FRMD3: variants seen among roughly 807,000 people sequenced by gnomAD.
FRMD3 encodes the protein FERM domain-containing protein 3.
Under a neutral mutation model 70.2 loss-of-function variants are expected in FRMD3, and 33 were observed. The observed-to-expected ratio is 0.47, with a 90% CI of 0.36 to 0.63. FRMD3 has a LOEUF of 0.63. Among genes scored for constraint, FRMD3 ranks in the 20% least tolerant of loss-of-function variants. The probability of loss-of-function intolerance (pLI) is 0.00; values close to 1 mark genes in which losing one functional copy is unlikely to be tolerated. For synonymous variants in FRMD3, 279 were observed against 255.9 expected (o/e 1.09, Z -0.86); for missense variants, 632 against 711.4 (o/e 0.89, Z 1.27).
chr9:83,430,965 T>C (rs1287104899), intron 1 of FRMD3, among the ~76,000 whole-genome samples: 1 of 152,234 alleles, frequency 6.6e-6, no homozygotes, highest in Non-Finnish European at 1.5e-5. Flanking sequence ...CTGTAGGAAT[T>C]TGATGCTTTG....
intron 1 of FRMD3, among the ~76,000 whole-genome samples, chr9:83,390,294 C>T (rs937993801): frequency 3.3e-5 from 5 of 152,192 alleles, no homozygotes; most frequent in Non-Finnish European, 7.3e-5. Flanking sequence ...CACTTTGACC[C>T]CCTGGAGCAA....
At chr9:83,253,978 A>C (rs1181559888) in intron 13 of FRMD3, among the ~76,000 whole-genome samples, 1 of 152,150 alleles carries the variant, frequency 6.6e-6, no homozygotes, top group Non-Finnish European at 1.5e-5. Context: ...ACATGGATGA[A>C]GCCGGAAACC....
chr9:83,492,953 G>A (rs1430997746), intron 1 of FRMD3, among the ~76,000 whole-genome samples: 2 of 152,116 alleles, frequency 1.3e-5, no homozygotes, highest in Non-Finnish European at 2.9e-5. Context: ...AAGTCCAGGG[G>A]CCGAGACATT....
At chr9:83,275,278 T>C (rs771755517) in intron 13 of FRMD3, among the ~76,000 whole-genome samples, 3 of 152,208 alleles carry the variant, frequency 2.0e-5, no homozygotes, top group Non-Finnish European at 4.4e-5. Flanking sequence ...TCTCCACTTC[T>C]CTGCCTTGTC....
At chr9:83,560,180 C>T in the FRMD3 span, among the ~76,000 whole-genome samples, 7 of 152,134 alleles carry the variant, frequency 4.6e-5, no homozygotes, top group East Asian at 7.7e-4. Context: ...CTTGGCAGTG[C>T]GAGTTTGCAG....
At chr9:83,484,861 T>C (rs910716979) in intron 1 of FRMD3, among the ~76,000 whole-genome samples, 6 of 152,154 alleles carry the variant, frequency 3.9e-5, no homozygotes, top group Non-Finnish European at 5.9e-5. Flanking sequence ...GGAAACAATA[T>C]AGAGAAACAC....
chr9:83,507,687 C>CATATAT lies in FRMD3; in HGVS notation c.147+30397_147+30398insATATAT, dbSNP rs60192207. 4.5e-3 allele frequency among the ~76,000 whole-genome samples: 212 copies of CATATAT among 46,908 alleles called. 27 individuals are homozygous for CATATAT. Among genetic ancestry groups the CATATAT allele is most frequent in the Non-Finnish European group, 7.3e-3 (152 of 20,908 alleles). 30.8% of individuals were successfully genotyped at this position (46,908 alleles called of 152,430 possible). On this transcript the variant is annotated intron_variant, in intron 1 of 13. Transcript: ENST00000304195. The stretch of plus-strand genomic sequence containing the variant: ...TCCGTCTCAAACAAAAAAAAATATA[C>CATATAT]ATACATATATATATATATATATATA...
chr9:83,279,104 G>A (rs892501616), intron 13 of FRMD3: 11 of 152,152 alleles, frequency 7.2e-5, no homozygotes, highest in African/African-American at 1.7e-4. Flanking sequence ...CCTATGTTCC[G>A]ATTATCAAGT....
At chr9:83,431,344 C>G (rs976139289) in intron 1 of FRMD3, among the ~76,000 whole-genome samples, 1 of 152,202 alleles carries the variant, frequency 6.6e-6, no homozygotes, top group African/African-American at 2.4e-5. Flanking sequence ...AATTTATTCT[C>G]CTACATTTTC....
chr9:83,533,945 A>T (rs796273717), intron 1 of FRMD3, among the ~76,000 whole-genome samples: 4 of 152,374 alleles, frequency 2.6e-5, no homozygotes, highest in African/African-American at 9.6e-5. Context: ...CAGTATTAAA[A>T]ATGGCAAGTT....
At chr9:83,558,729 C>T in the FRMD3 span, among the ~76,000 whole-genome samples, 1 of 152,028 alleles carries the variant, frequency 6.6e-6, no homozygotes, top group Non-Finnish European at 1.5e-5. Context: ...ATTCTAGATG[C>T]CATTAAGAAT....
chr9:83,334,848 G>T (rs1209459444), intron 6 of FRMD3, among the ~76,000 whole-genome samples: 1 of 152,104 alleles, frequency 6.6e-6, no homozygotes, highest in African/African-American at 2.4e-5. Context: ...CGTGACCTTG[G>T]GTAGGTTGTT....
intron 1 of FRMD3, among the ~76,000 whole-genome samples, chr9:83,507,909 C>T (rs747034638): frequency 3.3e-5 from 5 of 151,268 alleles, no homozygotes; most frequent in Non-Finnish European, 7.4e-5. Flanking sequence ...TTATCATTAT[C>T]AAGTACTACG....
intron 1 of FRMD3, among the ~76,000 whole-genome samples, chr9:83,501,133 T>C (rs921625193): frequency 2.6e-5 from 4 of 152,206 alleles, no homozygotes; most frequent in Non-Finnish European, 5.9e-5. Context: ...CTAGAGATTT[T>C]TCTTTGAAAA....
chr9:83,463,502 C>T (rs914091965), intron 1 of FRMD3, among the ~76,000 whole-genome samples: 2 of 152,080 alleles, frequency 1.3e-5, no homozygotes, highest in Admixed American at 1.3e-4. Context: ...TCAGATCTCA[C>T]GAGAACTCAC....
intron 1 of FRMD3, among the ~76,000 whole-genome samples, chr9:83,420,647 C>T (rs1054020956): frequency 1.3e-4 from 20 of 152,098 alleles, no homozygotes; most frequent in Non-Finnish European, 2.8e-4. Context: ...AAATATGAGT[C>T]CCAGTGTTGG....
intron 8 of FRMD3, among the ~76,000 whole-genome samples, chr9:83,310,866 A>G (rs1835325475): frequency 6.6e-6 from 1 of 152,238 alleles, no homozygotes; most frequent in African/African-American, 2.4e-5. Flanking sequence ...CCACTTAGCA[A>G]GGTGGGAAGA....
intron 1 of FRMD3, among the ~76,000 whole-genome samples, chr9:83,431,896 G>A (rs991785970): frequency 6.6e-6 from 1 of 152,148 alleles, no homozygotes; most frequent in African/African-American, 2.4e-5. Flanking sequence ...ATGCTTGCTT[G>A]CCAGCTGCTG....
At chr9:83,436,845 C>T (rs1483355947) in intron 1 of FRMD3, among the ~76,000 whole-genome samples, 1 of 150,002 alleles carries the variant, frequency 6.7e-6, no homozygotes, top group Non-Finnish European at 1.5e-5. Flanking sequence ...AGATGATTTA[C>T]CTAGGAGCCA....
Sources: gnomAD v4.1 joint callset for allele counts (sites outside exome capture counted in the v4.1 genomes callset) on GRCh38, gnomAD v4.1.1 for gene constraint, MANE v1.5 for transcripts, NCBI Gene and HGNC (gene_info 2026-07-23, HGNC 2026-07-21) for gene names.